The following EVL variants were observed in gnomAD, a reference collection of about 807,000 sequenced individuals.
EVL encodes the protein ena/VASP-like protein.
Under a neutral mutation model 59.6 loss-of-function variants are expected in EVL, and 21 were observed. That is an observed-to-expected ratio of 0.35 (90% confidence interval 0.25 to 0.51). The LOEUF (loss-of-function observed/expected upper bound fraction) is 0.51, where lower values mean the gene tolerates loss of function less well. Among genes scored for constraint, EVL ranks in the 20% least tolerant of loss-of-function variants. The probability of loss-of-function intolerance (pLI) is 0.97; values close to 1 mark genes in which losing one functional copy is unlikely to be tolerated. For missense variants in EVL, 462 were observed against 546.6 expected (o/e 0.85, Z 1.54); for synonymous variants, 198 against 203.5 (o/e 0.97, Z 0.23).
At chr14:100,117,200 C>T (rs1052681443) in intron 3 of EVL, among the ~76,000 whole-genome samples, 3 of 152,226 alleles carry the variant, frequency 2.0e-5, no homozygotes, top group Non-Finnish European at 4.4e-5. Context: ...GCTAGGGCCT[C>T]GCACTTGAGG....
At chr14:100,102,265 G>A (rs1167442088) in intron 3 of EVL, 1 of 456,006 alleles carries the variant, frequency 2.2e-6, no homozygotes, top group Admixed American at 2.3e-5. Flanking sequence ...CAGCCTCCTT[G>A]CACCTTTTGC....
intron 1 of EVL, among the ~76,000 whole-genome samples, chr14:100,053,562 A>G (rs1263369134): frequency 6.6e-6 from 1 of 152,212 alleles, no homozygotes; most frequent in Non-Finnish European, 1.5e-5. Flanking sequence ...TGGATATTTT[A>G]TTTAAAAATA....
At chr14:100,070,601 C>T (rs1231575245) in intron 1 of EVL, among the ~76,000 whole-genome samples, 1 of 152,184 alleles carries the variant, frequency 6.6e-6, no homozygotes, top group Non-Finnish European at 1.5e-5. Flanking sequence ...CAGAGCAGGA[C>T]GCTTGTGTTA....
chr14:100,056,269 CT>C (rs1384258550), intron 1 of EVL, among the ~76,000 whole-genome samples: 1 of 151,384 alleles, frequency 6.6e-6, no homozygotes, highest in Non-Finnish European at 1.5e-5. Context: ...GTCCCTGTCC[CT>C]TTTTCCCTAC....
intron 1 of EVL, among the ~76,000 whole-genome samples, chr14:100,078,805 C>T (rs1365801191): frequency 3.3e-5 from 5 of 151,980 alleles, no homozygotes; most frequent in Admixed American, 1.3e-4. Flanking sequence ...ATGCCTACCT[C>T]CTAGGAAACC....
At chr14:100,047,352 A>T (rs1425653462) in intron 1 of EVL, among the ~76,000 whole-genome samples, 1 of 151,874 alleles carries the variant, frequency 6.6e-6, no homozygotes. Context: ...CAGGAAGCAT[A>T]GCCTATCTAT....
chr14:100,006,016 C>CCT (rs2060977591), intron 1 of EVL, among the ~76,000 whole-genome samples: 2 of 149,676 alleles, frequency 1.3e-5, no homozygotes, highest in South Asian at 4.3e-4. Context: ...ATTTCCCCCC[C>CCT]CCCCCCCACA....
chr14:100,053,456 T>TCA (rs10652569), intron 1 of EVL, among the ~76,000 whole-genome samples: 142,739 of 152,112 alleles, frequency 0.94, 67,134 homozygotes, highest in African/African-American at 0.96. Context: ...GCAGCTTCCT[T>TCA]GTCTTTAATA....
intron 1 of EVL, among the ~76,000 whole-genome samples, chr14:99,987,477 A>G (rs1392810322): frequency 6.6e-6 from 1 of 152,166 alleles, no homozygotes; most frequent in Non-Finnish European, 1.5e-5. Context: ...CCCTGTCTCT[A>G]TTAAAAATAC....
At chr14:100,094,866 C>G in intron 2 of EVL, among the ~76,000 whole-genome samples, 1 of 152,012 alleles carries the variant, frequency 6.6e-6, no homozygotes, top group East Asian at 1.9e-4. Flanking sequence ...ACAGTGAAGC[C>G]CCGTCTCTAC....
chr14:100,026,791 C>T lies in EVL; in HGVS notation c.5+54734C>T, dbSNP rs79901626. On this transcript the variant is annotated intron_variant, in intron 1 of 13. Transcript: ENST00000402714. Reference sequence around the variant, plus strand: ...TGACAGCATACTCTCAGCTCTGGGACGTATTATTAAATGTCTGATAATGAA... The same window carrying T: ...TGACAGCATACTCTCAGCTCTGGGATGTATTATTAAATGTCTGATAATGAA... 5.2e-4 allele frequency among the ~76,000 whole-genome samples: 79 copies of T among 152,264 alleles called. No individual in the cohort carries two copies. The East Asian group carries it at 0.014, about 26-fold the overall frequency.
At chr14:100,132,622 G>A (rs1252393354) in intron 7 of EVL, 97 bp from the exon 8 acceptor site, 3 of 1,346,046 alleles carry the variant, frequency 2.2e-6, no homozygotes, top group Non-Finnish European at 3.2e-6. Context: ...GTTTATCTGA[G>A]GACCGGGGTG....
chr14:100,131,999 G>A (rs546107648), intron 7 of EVL, among the ~76,000 whole-genome samples: 1 of 152,102 alleles, frequency 6.6e-6, no homozygotes, highest in Non-Finnish European at 1.5e-5. Context: ...CATGCTTGAT[G>A]GGCAGCTCAT....
chr14:99,987,902 C>T (rs2060849217), intron 1 of EVL, among the ~76,000 whole-genome samples: 1 of 148,622 alleles, frequency 6.7e-6, no homozygotes, highest in Non-Finnish European at 1.5e-5. Context: ...AAAAGACAAC[C>T]CAATTTTTTT....
chr14:100,046,157 C>T lies in EVL; in HGVS notation c.6-38530C>T, dbSNP rs1406563481. 3.3e-5 allele frequency among the ~76,000 whole-genome samples: 5 copies of T among 152,290 alleles called. No homozygotes were observed. The East Asian group carries it at 9.6e-4, about 29-fold the overall frequency. On this transcript the variant is annotated intron_variant, in intron 1 of 13. Coordinates refer to the EVL transcript ENST00000402714. Reference sequence around the variant, plus strand: ...CAGTGCATTATACTTACTGAGTCAGCATCCCTAACAAGGAAATCCAAGATA... The same window carrying T: ...CAGTGCATTATACTTACTGAGTCAGTATCCCTAACAAGGAAATCCAAGATA...
intron 1 of EVL, among the ~76,000 whole-genome samples, chr14:100,059,939 A>C (rs1264965278): frequency 2.0e-5 from 3 of 152,232 alleles, no homozygotes; most frequent in Non-Finnish European, 2.9e-5. Flanking sequence ...ATCATAAGTT[A>C]GTAGACATAT....
At chr14:100,021,612 T>C (rs772569097) in intron 1 of EVL, among the ~76,000 whole-genome samples, 2 of 152,166 alleles carry the variant, frequency 1.3e-5, no homozygotes, top group African/African-American at 2.4e-5. Flanking sequence ...GCAGAATCCC[T>C]GGAAAGCTCA....
intron 1 of EVL, among the ~76,000 whole-genome samples, chr14:100,003,916 T>G (rs2060962138): frequency 6.6e-6 from 1 of 152,062 alleles, no homozygotes; most frequent in South Asian, 2.1e-4. Context: ...TTTAAAAAAA[T>G]GTTAGAGGAC....
chr14:100,042,443 A>G (rs2061481527), intron 1 of EVL, among the ~76,000 whole-genome samples: 1 of 152,230 alleles, frequency 6.6e-6, no homozygotes. Flanking sequence ...GCATTGATAC[A>G]GGAAGTTTCA....
Sources: gnomAD v4.1 joint callset for allele counts (sites outside exome capture counted in the v4.1 genomes callset) on GRCh38, gnomAD v4.1.1 for gene constraint, MANE v1.5 for transcripts, NCBI Gene and HGNC (gene_info 2026-07-23, HGNC 2026-07-21) for gene names.